Variants in FGF14 observed in about 807,000 individuals in gnomAD.
FGF14 encodes the protein fibroblast growth factor homologous factor 4.
FGF14 carries 5 observed loss-of-function variants against 25.5 expected under a neutral mutation model. That is an observed-to-expected ratio of 0.20 (90% CI 0.10 to 0.41). The LOEUF is 0.41. FGF14 is among the 10% of genes least tolerant of loss of function. The probability of loss-of-function intolerance (pLI) is 1.00; values close to 1 mark genes in which losing one functional copy is unlikely to be tolerated. For missense variants in FGF14, 222 were observed against 320.1 expected, an observed-to-expected ratio of 0.69 and a Z score of 2.34; for synonymous variants, 138 against 118.3, an observed-to-expected ratio of 1.17 and a Z score of -1.08.
At chr13:102,226,446 C>A (rs1419918581) in intron 1 of FGF14, among the ~76,000 whole-genome samples, 1 of 152,134 alleles carries the variant, frequency 6.6e-6, no homozygotes, top group African/African-American at 2.4e-5. Context: ...CTGTATAATG[C>A]CTATTTCAAT....
At chr13:102,155,539 A>T (rs1188100538) in intron 1 of FGF14, among the ~76,000 whole-genome samples, 1 of 152,050 alleles carries the variant, frequency 6.6e-6, no homozygotes. Context: ...TTATAGCACT[A>T]AATGCCCACA....
chr13:102,038,346 A>G (rs1444602194), intron 1 of FGF14, among the ~76,000 whole-genome samples: 1 of 152,146 alleles, frequency 6.6e-6, no homozygotes, highest in Non-Finnish European at 1.5e-5. Flanking sequence ...AAGTTCCTTG[A>G]CCATAGAATG....
intron 1 of FGF14, among the ~76,000 whole-genome samples, chr13:102,064,035 T>TA (rs1428592140): frequency 6.6e-6 from 1 of 152,152 alleles, no homozygotes; most frequent in Non-Finnish European, 1.5e-5. Flanking sequence ...TGAATGACAA[T>TA]AAATAAAATA....
chr13:102,087,595 T>TTG (rs2043979744), intron 1 of FGF14, among the ~76,000 whole-genome samples: 3 of 110,632 alleles, frequency 2.7e-5, no homozygotes, highest in South Asian at 5.5e-4. Flanking sequence ...TTTTTTTTTT[T>TTG]TTGTATTTTT....
chr13:102,261,247 G>A (rs1209453526), intron 1 of FGF14, among the ~76,000 whole-genome samples: 1 of 152,126 alleles, frequency 6.6e-6, no homozygotes, highest in African/African-American at 2.4e-5. Context: ...AGATAATTTT[G>A]GAAAATATTT....
At chr13:102,206,976 G>T (rs1341738132) in intron 1 of FGF14, among the ~76,000 whole-genome samples, 1 of 151,912 alleles carries the variant, frequency 6.6e-6, no homozygotes, top group Non-Finnish European at 1.5e-5. Flanking sequence ...GGATAAAAAG[G>T]TCAGAAACAA....
At chr13:102,322,781 T>C (rs931679063) in intron 1 of FGF14, among the ~76,000 whole-genome samples, 2 of 152,144 alleles carry the variant, frequency 1.3e-5, no homozygotes, top group Non-Finnish European at 2.9e-5. Context: ...ACATGCATTA[T>C]AATATGTGTT....
intron 1 of FGF14, among the ~76,000 whole-genome samples, chr13:101,940,524 T>C (rs2035380084): frequency 6.6e-6 from 1 of 152,222 alleles, no homozygotes; most frequent in Non-Finnish European, 1.5e-5. Flanking sequence ...AATTGCTTTT[T>C]TCTACTTGAA....
intron 1 of FGF14, among the ~76,000 whole-genome samples, chr13:101,965,981 G>GA (rs554416642): frequency 2.3e-3 from 343 of 152,258 alleles, no homozygotes; most frequent in Non-Finnish European, 3.7e-3. Flanking sequence ...ACCGTCACCA[G>GA]AACCACAATC....
chr13:101,758,563 A>G (rs372859170), intron 3 of FGF14, among the ~76,000 whole-genome samples: 56 of 152,330 alleles, frequency 3.7e-4, no homozygotes, highest in African/African-American at 1.3e-3. Flanking sequence ...GGACCTAGTA[A>G]CAATAAAGAT....
At chr13:102,050,493 G>T (rs989312062) in intron 1 of FGF14, among the ~76,000 whole-genome samples, 4 of 152,116 alleles carry the variant, frequency 2.6e-5, no homozygotes, top group Admixed American at 6.5e-5. Flanking sequence ...TAGCTTTCAA[G>T]ATGCCCATAT....
intron 3 of FGF14, among the ~76,000 whole-genome samples, chr13:101,732,722 T>C (rs2035893365): frequency 6.6e-6 from 1 of 152,238 alleles, no homozygotes; most frequent in Non-Finnish European, 1.5e-5. Context: ...TCTGTAGTTA[T>C]ATTTACAACG....
At chr13:101,828,735 G>A (rs1327657833) in intron 3 of FGF14, among the ~76,000 whole-genome samples, 1 of 151,928 alleles carries the variant, frequency 6.6e-6, no homozygotes, top group South Asian at 2.1e-4. Flanking sequence ...ATTTTATTCC[G>A]ATTATCCATG....
chr13:101,985,680 T>C (rs974598261), intron 1 of FGF14, among the ~76,000 whole-genome samples: 3 of 152,170 alleles, frequency 2.0e-5, no homozygotes, highest in African/African-American at 7.2e-5. Context: ...TCTCTCGCTC[T>C]TTTTCCAGCT....
chr13:102,175,097 TA>T (rs1473545695), intron 1 of FGF14, among the ~76,000 whole-genome samples: 1 of 152,118 alleles, frequency 6.6e-6, no homozygotes, highest in East Asian at 1.9e-4. Context: ...AAAACAATTC[TA>T]AAATTCCTGT....
At chr13:101,932,805 G>GAGGC (rs1381047821) in intron 1 of FGF14, among the ~76,000 whole-genome samples, 1 of 142,618 alleles carries the variant, frequency 7.0e-6, no homozygotes, top group Non-Finnish European at 1.5e-5. Flanking sequence ...AGGACAAGAA[G>GAGGC]CAGGTTCTGA....
chr13:102,275,932 T>C (rs1175182341), intron 1 of FGF14, among the ~76,000 whole-genome samples: 3 of 152,092 alleles, frequency 2.0e-5, no homozygotes, highest in Non-Finnish European at 1.5e-5. Flanking sequence ...AAATTGAGTT[T>C]AAGAGCAATG....
intron 1 of FGF14, among the ~76,000 whole-genome samples, chr13:102,064,619 C>G (rs1229296047): frequency 6.6e-6 from 1 of 151,754 alleles, no homozygotes; most frequent in Non-Finnish European, 1.5e-5. Flanking sequence ...TTCTATAGCA[C>G]GAAATTCAAA....
At chr13:101,746,643 CT>C (rs1392356567) in intron 3 of FGF14, among the ~76,000 whole-genome samples, 2 of 151,902 alleles carry the variant, frequency 1.3e-5, no homozygotes, top group Non-Finnish European at 2.9e-5. Flanking sequence ...CATAAAGTGC[CT>C]GGTAGAGTTT....
Sources: allele counts gnomAD v4.1 joint callset (sites outside exome capture counted in the v4.1 genomes callset), GRCh38; gene constraint gnomAD v4.1.1; transcripts MANE v1.5; gene names NCBI Gene and HGNC (gene_info 2026-07-23, HGNC 2026-07-21).